Variants in HTR4 observed in about 807,000 individuals in gnomAD.
The protein encoded by HTR4 is 5-hydroxytryptamine (serotonin) receptor 4, G protein-coupled.
Under a neutral mutation model 36.8 loss-of-function variants are expected in HTR4, and 16 were observed. The observed-to-expected ratio is 0.43, with a 90% CI of 0.29 to 0.66. The LOEUF (loss-of-function observed/expected upper bound fraction) is 0.66. HTR4 is among the 30% of genes least tolerant of loss of function. The pLI is 0.13. For synonymous variants in HTR4, 189 were observed against 185.1 expected (o/e 1.02, Z -0.17); for missense variants, 438 against 490.9 (o/e 0.89, Z 1.02).
chr5:148,541,577 T>C (rs1759116999), intron 4 of HTR4, among the ~76,000 whole-genome samples: 1 of 152,132 alleles, frequency 6.6e-6, no homozygotes, highest in Non-Finnish European at 1.5e-5. Flanking sequence ...AGGCGACACA[T>C]GTTATCTGAG....
intron 5 of HTR4, among the ~76,000 whole-genome samples, chr5:148,512,253 A>G (rs545331992): frequency 1.4e-3 from 213 of 152,266 alleles, no homozygotes; most frequent in African/African-American, 5.0e-3. Context: ...ATTTCATTGT[A>G]ATTTTGAATT....
intron 4 of HTR4, among the ~76,000 whole-genome samples, chr5:148,543,629 G>T (rs1236256842): frequency 2.0e-5 from 3 of 152,200 alleles, no homozygotes; most frequent in African/African-American, 7.2e-5. Flanking sequence ...TTATGCAGCT[G>T]TGGAAGTGGA....
downstream of HTR4, among the ~76,000 whole-genome samples, chr5:148,473,726 G>A (rs551590896): frequency 4.9e-4 from 75 of 152,246 alleles, no homozygotes; most frequent in South Asian, 1.2e-3. Flanking sequence ...ATTTGGTGAG[G>A]TAGTCTAGGG....
intron 6 of HTR4, among the ~76,000 whole-genome samples, chr5:148,507,068 T>A (rs1757254283): frequency 6.6e-6 from 1 of 152,090 alleles, no homozygotes; most frequent in Non-Finnish European, 1.5e-5. Flanking sequence ...TAAAGACACA[T>A]GCACACGTAT....
chr5:148,641,407 C>T (rs979941712), intron 1 of HTR4, among the ~76,000 whole-genome samples: 3 of 152,098 alleles, frequency 2.0e-5, no homozygotes, highest in East Asian at 1.9e-4. Flanking sequence ...ATACTAATCC[C>T]CTTCGGAGAA....
chr5:148,609,933 G>T (rs1178180166), intron 2 of HTR4, among the ~76,000 whole-genome samples: 2 of 138,364 alleles, frequency 1.4e-5, no homozygotes, highest in African/African-American at 4.9e-5. Flanking sequence ...ATTAATCTTA[G>T]AAACTTTTGA....
chr5:148,566,978 T>A (rs1002923905), intron 2 of HTR4, among the ~76,000 whole-genome samples: 3 of 152,000 alleles, frequency 2.0e-5, no homozygotes, highest in Non-Finnish European at 2.9e-5. Flanking sequence ...TTTTTCAAAA[T>A]GCATTGCCTA....
chr5:148,486,446 G>T (rs187573407), intron 6 of HTR4, among the ~76,000 whole-genome samples: 2 of 152,306 alleles, frequency 1.3e-5, no homozygotes, highest in East Asian at 3.9e-4. Flanking sequence ...GCAACCAGAA[G>T]ACAGGGACCT....
chr5:148,523,399 G>A (rs1439411629), intron 4 of HTR4, 53 bp from the exon 5 acceptor site: 3 of 1,466,408 alleles, frequency 2.0e-6, no homozygotes, highest in South Asian at 1.3e-5. Flanking sequence ...GGAATGGGAG[G>A]GAGAGAAAAG....
intron 2 of HTR4, among the ~76,000 whole-genome samples, chr5:148,606,472 A>T (rs965935901): frequency 6.6e-6 from 1 of 152,226 alleles, no homozygotes; most frequent in Non-Finnish European, 1.5e-5. Context: ...AGCTATGTAC[A>T]TATTTAAATT....
chr5:148,524,394 G>A (rs1269011570), intron 4 of HTR4, among the ~76,000 whole-genome samples: 20 of 152,156 alleles, frequency 1.3e-4, no homozygotes, highest in Admixed American at 1.3e-3. Flanking sequence ...TACTGGATGA[G>A]ACCACCCCAC....
intron 2 of HTR4, among the ~76,000 whole-genome samples, chr5:148,627,315 A>G (rs1426505780): frequency 6.6e-6 from 1 of 151,660 alleles, no homozygotes; most frequent in Non-Finnish European, 1.5e-5. Context: ...TATTACCAAC[A>G]TTTTTTGAAT....
intron 6 of HTR4, among the ~76,000 whole-genome samples, chr5:148,484,874 A>G (rs915312094): frequency 6.6e-6 from 1 of 152,194 alleles, no homozygotes; most frequent in African/African-American, 2.4e-5. Context: ...TAGATAACTC[A>G]AGATGTGCCC....
chr5:148,460,831 C>A (rs571720888), intron 5 of HTR4, among the ~76,000 whole-genome samples: 1 of 152,008 alleles, frequency 6.6e-6, no homozygotes, highest in Non-Finnish European at 1.5e-5. Flanking sequence ...ATTATGCATG[C>A]TTTTATGCTC....
intron 2 of HTR4, among the ~76,000 whole-genome samples, chr5:148,566,773 ATATT>A (rs1309835180): frequency 6.6e-6 from 1 of 152,116 alleles, no homozygotes; most frequent in South Asian, 2.1e-4. Flanking sequence ...ATGGTACCTA[ATATT>A]TATACGTATG....
intron 6 of HTR4, among the ~76,000 whole-genome samples, chr5:148,498,150 A>G (rs1483945689): frequency 6.6e-6 from 1 of 152,220 alleles, no homozygotes; most frequent in East Asian, 1.9e-4. Context: ...TAATAATAAA[A>G]TTTCATGTAA....
intron 1 of HTR4, 41 bp downstream of exon 1, chr5:148,654,021 G>C: frequency 1.0e-6 from 1 of 981,364 alleles, no homozygotes; most frequent in Non-Finnish European, 1.2e-6. Context: ...GCACCCGTGG[G>C]CTCCTGGGGT....
At chr5:148,648,443 A>C (rs1753937351) in intron 1 of HTR4, among the ~76,000 whole-genome samples, 1 of 152,194 alleles carries the variant, frequency 6.6e-6, no homozygotes, top group Non-Finnish European at 1.5e-5. Flanking sequence ...AGTCCAAGAG[A>C]GGTGCACGAA....
At chr5:148,524,958 C>T (rs544906418) in intron 4 of HTR4, among the ~76,000 whole-genome samples, 8 of 152,186 alleles carry the variant, frequency 5.3e-5, no homozygotes, top group East Asian at 3.9e-4. Flanking sequence ...GAGAAATACC[C>T]GCTTTCCTAC....
Sources: gnomAD v4.1 joint callset for allele counts (sites outside exome capture counted in the v4.1 genomes callset) on GRCh38, gnomAD v4.1.1 for gene constraint, MANE v1.5 for transcripts, NCBI Gene and HGNC (gene_info 2026-07-23, HGNC 2026-07-21) for gene names.